CELSR1: variants seen among roughly 807,000 people sequenced by gnomAD.
The protein encoded by CELSR1 is cadherin EGF LAG seven-pass G-type receptor 1, also known as adhesion G protein-coupled receptor C1.
In CELSR1, 110 loss-of-function variants were observed where a neutral mutation model predicts 249.1. The ratio of observed to expected loss-of-function variants is 0.44; its 90% CI spans 0.38 to 0.52. The LOEUF (loss-of-function observed/expected upper bound fraction) is 0.52, where lower values mean the gene tolerates loss of function less well. Among genes scored for constraint, CELSR1 ranks in the 20% least tolerant of loss-of-function variants. The pLI is 0.00. For synonymous variants in CELSR1, 2,113 were observed against 1,900.0 expected, an observed-to-expected ratio of 1.11 and a Z score of -2.92; for missense variants, 4,109 against 4,296.4, an observed-to-expected ratio of 0.96 and a Z score of 1.22.
At chr22:46,415,994 G>A (rs777783806) in intron 5 of CELSR1, among the ~76,000 whole-genome samples, 2 of 152,176 alleles carry the variant, frequency 1.3e-5, no homozygotes, top group African/African-American at 2.4e-5. Flanking sequence ...CTACGTGGTG[G>A]TAACAGCTCC....
chr22:46,476,664 C>G (rs778410839), intron 1 of CELSR1, among the ~76,000 whole-genome samples: 81 of 151,730 alleles, frequency 5.3e-4, no homozygotes, highest in Admixed American at 7.2e-4. Flanking sequence ...AAACTTTCCG[C>G]CAAGTGAAAG....
rs202110347 is a variant in CELSR1 at position 46,534,640 on chromosome 22, A to G, written c.2531T>C (p.Met844Thr). Residue 844 changes from methionine (M) to threonine (T), a missense_variant, in exon 1 of 35, where the codon ATG becomes ACG. Met to Thr is a moderately conservative substitution (Grantham distance 81). Coordinates refer to ENST00000674500, the MANE Select transcript of CELSR1 (RefSeq NM_001378328.1). The surrounding 1 kb of genome is among the most constrained non-coding windows in gnomAD (Gnocchi z 9.7). ...QFRIDPDSGT[M>T]YTMMELDYEN... Reference sequence around the variant, plus strand: ...ATAGTCCAGCTCCATCATGGTGTACATGGTGCCACTGTCGGGGTCAATGCG... The same window carrying G: ...ATAGTCCAGCTCCATCATGGTGTACGTGGTGCCACTGTCGGGGTCAATGCG... 42 of 1,613,906 alleles carry G rather than the reference A, an allele frequency of 2.6e-5. No homozygotes were observed. Among genetic ancestry groups the G allele is most frequent in the Admixed American group, 3.3e-5 (2 of 60,034 alleles).
chr22:46,451,717 G>A (rs1421426531), intron 2 of CELSR1, among the ~76,000 whole-genome samples: 2 of 152,186 alleles, frequency 1.3e-5, no homozygotes, highest in African/African-American at 4.8e-5. Context: ...ACCCTGTAAT[G>A]GGCTACACGG....
chr22:46,370,127 C>T (rs1331869572), intron 25 of CELSR1: 1 of 483,110 alleles, frequency 2.1e-6, no homozygotes, highest in Non-Finnish European at 4.1e-6. Flanking sequence ...ATCGTGAAGG[C>T]AGACGGTGCT....
chr22:46,364,125 A>G lies in CELSR1; in HGVS notation c.8906T>C (p.Leu2969Pro). 1 of 1,612,256 alleles carries G rather than the reference A, an allele frequency of 6.2e-7. No individual in the cohort carries two copies. The highest frequency in any genetic ancestry group is 8.5e-7 in the Non-Finnish European group (1 of 1,179,668). The change falls in exon 34 of 35, where the codon CTG (leucine) becomes CCG (proline). Residue 2969 changes from leucine (L) to proline (P), a missense_variant. By Grantham distance (98) the Leu-to-Pro change is moderately conservative. This residue lies in a region of CELSR1 where 1,805 missense variants were observed against 1,831.6 expected (regional missense o/e 0.99). Coordinates refer to ENST00000674500, the MANE Select transcript of CELSR1 (RefSeq NM_001378328.1). ...QSPTSSRTSS[L>P]GSGGPDCAIT... ...GGCGCAGTCGGGGCCGCCAGAGCCC[A>G]GGGAAGACGTGCGCGAGGATGTGGG...
chr22:46,492,748 C>T (rs777864698), intron 1 of CELSR1, among the ~76,000 whole-genome samples: 1 of 151,520 alleles, frequency 6.6e-6, no homozygotes, highest in African/African-American at 2.4e-5. Context: ...CAAGATCCAC[C>T]GTGCTCGGCC....
At chr22:46,443,387 G>A (rs1014502000) in intron 2 of CELSR1, among the ~76,000 whole-genome samples, 2 of 152,158 alleles carry the variant, frequency 1.3e-5, no homozygotes, top group Non-Finnish European at 2.9e-5. Context: ...CAGGGAAATG[G>A]GAACAGAGGG....
In CELSR1 at chr22:46,436,417, G is replaced by A; in HGVS notation, c.4407-128C>T. ...ACGATTCAGGAAAGAATGGTGTCAGGCATGCGTCCTTCTCATAGGAGCAGA... is the reference window on the plus strand; with the variant it reads ...ACGATTCAGGAAAGAATGGTGTCAGACATGCGTCCTTCTCATAGGAGCAGA... On this transcript the variant is annotated intron_variant, in intron 3 of 34. Transcript: ENST00000674500. The surrounding 1 kb of genome is among the most constrained non-coding windows in gnomAD (Gnocchi z 5.9). 9 of 634,906 alleles carry A rather than the reference G, an allele frequency of 1.4e-5. No homozygotes were observed. Among genetic ancestry groups the A allele is most frequent in the Non-Finnish European group, 2.5e-5 (9 of 354,400 alleles). The allele number at this position is 634,906 out of a possible 1,614,324, so 39.3% of individuals were successfully genotyped here.
In CELSR1 at chr22:46,411,648, C is replaced by T. The variant is rs766506903; in HGVS notation, c.4723G>A (p.Gly1575Arg). 22 of 1,614,078 alleles carry T rather than the reference C, an allele frequency of 1.4e-5. No homozygotes were observed. The highest frequency in any genetic ancestry group is 1.6e-4 in the Middle Eastern group (1 of 6,084). The stretch of plus-strand genomic sequence containing the variant: ...CCCTGGGCAGCGCAGCTGTAGTTCC[C>T]GATGTCCTTTCCAAAGCGCACAGCC... ...TMAVRFGKDI[G>R]NYSCAAQGTQ... Residue 1575 changes from glycine (G) to arginine (R), a missense_variant, in exon 6 of 35, where the codon GGG (glycine) becomes AGG (arginine). Physicochemically the swap from Gly to Arg is moderately radical, Grantham distance 125. This residue lies in a region of CELSR1 where 453 missense variants were observed against 492.0 expected (regional missense o/e 0.92). Coordinates refer to ENST00000674500, the MANE Select transcript of CELSR1 (RefSeq NM_001378328.1). The surrounding 1 kb of genome is among the most constrained non-coding windows in gnomAD (Gnocchi z 4.2).
rs1000856488 is a variant in CELSR1, at chr22:46,417,503, G to A, written c.4612-5744C>T. ...CCGGCTGCTTTTGATGACCTGGCTC[G>A]AAGGGTGCGGTATTCCCCCAGGGCT... is the stretch of plus-strand genomic sequence containing the variant. On this transcript the variant is annotated intron_variant, in intron 5 of 34. Transcript: ENST00000674500. This position sits in a 1 kb window ranked among gnomAD's most constrained non-coding sequence, Gnocchi z 4.1. Among the ~76,000 whole-genome samples the A allele has an allele frequency of 3.9e-5, 6 of 152,170 alleles. No individual in the cohort carries two copies. The highest frequency in any genetic ancestry group is 3.2e-3 in the Middle Eastern group (1 of 316).
intron 5 of CELSR1, among the ~76,000 whole-genome samples, chr22:46,421,771 T>C (rs115919926): frequency 0.089 from 13,531 of 152,296 alleles, 1,888 homozygotes; most frequent in African/African-American, 0.3. Flanking sequence ...CACCAACTGA[T>C]GGGAGCACGT....
At chr22:46,525,175 G>A (rs981636197) in intron 1 of CELSR1, among the ~76,000 whole-genome samples, 1 of 152,224 alleles carries the variant, frequency 6.6e-6, no homozygotes, top group Admixed American at 6.5e-5. Context: ...ACGGCTGGGC[G>A]TGGTGGCTCA....
chr22:46,527,279 G>C lies in CELSR1; in HGVS notation c.3544+6348C>G, dbSNP rs1001719352. On this transcript the variant is annotated intron_variant, in intron 1 of 34. Coordinates refer to ENST00000674500, the MANE Select transcript of CELSR1 (RefSeq NM_001378328.1). The surrounding 1 kb of genome is among the most constrained non-coding windows in gnomAD (Gnocchi z 5.5). ...GCCCTCCTCAGCCACCCCCATGCTGGAGCAAGCATGATGTCCCCAGCTTCC... is the reference window on the plus strand; with the variant it reads ...GCCCTCCTCAGCCACCCCCATGCTGCAGCAAGCATGATGTCCCCAGCTTCC... Among the ~76,000 whole-genome samples the C allele has an allele frequency of 2.0e-5, 3 of 152,122 alleles. No homozygotes were observed. Among genetic ancestry groups the C allele is most frequent in the Non-Finnish European group, 4.4e-5 (3 of 68,038 alleles).
intron 5 of CELSR1, among the ~76,000 whole-genome samples, chr22:46,420,857 G>C (rs1262300769): frequency 1.3e-5 from 2 of 152,186 alleles, no homozygotes; most frequent in African/African-American, 4.8e-5. Flanking sequence ...TAAGGTGAAG[G>C]TGGGGAGAGG....
chr22:46,373,167 G>A (rs2078874915), intron 24 of CELSR1, 110 bp from the exon 25 acceptor site: 5 of 1,169,128 alleles, frequency 4.3e-6, no homozygotes, highest in Non-Finnish European at 5.9e-6. Flanking sequence ...ACCACCCTAT[G>A]TGTCTGTCCT....
At position 46,365,634 on chromosome 22, in the gene CELSR1, C is replaced by T. The variant is rs148591220; in HGVS notation, c.8356G>A (p.Gly2786Arg). The T allele has an allele frequency of 3.4e-5, 54 of 1,591,930 alleles. No homozygotes were observed. Among genetic ancestry groups the T allele is most frequent in the African/African-American group, 1.9e-4 (14 of 74,356 alleles). ...VSSGLVRGSHGEPDASLMPRS... is the reference protein window; with the variant it reads ...VSSGLVRGSHREPDASLMPRS... ...GGCATGAGGGACGCGTCTGGCTCTC[C>T]GTGGCTGCCCCTCACCAGCCCAGAG... Residue 2786 changes from glycine (G) to arginine (R), a missense_variant, in exon 31 of 35, where the codon GGA (glycine) becomes AGA (arginine). Coordinates refer to ENST00000674500, the MANE Select transcript of CELSR1 (RefSeq NM_001378328.1).
At chr22:46,474,621 C>A (rs1409142893) in intron 1 of CELSR1, among the ~76,000 whole-genome samples, 1 of 152,008 alleles carries the variant, frequency 6.6e-6, no homozygotes, top group Non-Finnish European at 1.5e-5. Context: ...TTGAAATATA[C>A]AATACAATAT....
At position 46,380,990 on chromosome 22, in the gene CELSR1, C is replaced by T. The variant is rs768073950; in HGVS notation, c.7089-35G>A. 38 of 1,601,066 alleles carry T rather than the reference C, an allele frequency of 2.4e-5. No homozygotes were observed. Among genetic ancestry groups the T allele is most frequent in the Non-Finnish European group, 2.9e-5 (34 of 1,170,932 alleles). On this transcript the variant is annotated intron_variant, in intron 21 of 34. Coordinates refer to ENST00000674500, the MANE Select transcript of CELSR1 (RefSeq NM_001378328.1). This position sits in a 1 kb window ranked among gnomAD's most constrained non-coding sequence, Gnocchi z 5.1. The stretch of plus-strand genomic sequence containing the variant: ...AGAAGCCAGAGCATGGGGACAAACA[C>T]GGTGAGGAAACATCTGCTTAAATCC...
intron 1 of CELSR1, among the ~76,000 whole-genome samples, chr22:46,491,902 G>T (rs1260799799): frequency 6.6e-6 from 1 of 152,192 alleles, no homozygotes; most frequent in Non-Finnish European, 1.5e-5. Flanking sequence ...CTCCCAAAGT[G>T]CTGGGATTAT....
Sources: allele counts gnomAD v4.1 joint callset (sites outside exome capture counted in the v4.1 genomes callset), GRCh38; gene constraint gnomAD v4.1.1; regional missense constraint gnomAD v4.1.1; non-coding constraint Gnocchi (gnomAD v3.1); transcripts MANE v1.5; gene names NCBI Gene and HGNC (gene_info 2026-07-23, HGNC 2026-07-21).